SYNPR: variants seen among roughly 807,000 people sequenced by gnomAD.
SYNPR encodes synaptoporin.
In SYNPR, 23 loss-of-function variants were observed where a neutral mutation model predicts 32.9. That is an observed-to-expected ratio of 0.70 (90% CI 0.50 to 0.99). SYNPR has a LOEUF of 0.99. Among genes scored for constraint, SYNPR ranks in the 50% least tolerant of loss-of-function variants. The pLI, the probability that SYNPR is intolerant of heterozygous loss-of-function variation, is 0.00. For synonymous variants in SYNPR, 146 were observed against 135.9 expected (o/e 1.07, Z -0.52); for missense variants, 318 against 349.3 (o/e 0.91, Z 0.71).
chr3:63,254,537 A>T (rs1333513544), intron 2 of SYNPR, among the ~76,000 whole-genome samples: 1 of 152,176 alleles, frequency 6.6e-6, no homozygotes, highest in Non-Finnish European at 1.5e-5. Flanking sequence ...GTATTTAGTG[A>T]AAATTTATTG....
chr3:63,611,731 C>G (rs979494006), intron 5 of SYNPR, among the ~76,000 whole-genome samples: 1 of 152,060 alleles, frequency 6.6e-6, no homozygotes, highest in Non-Finnish European at 1.5e-5. Context: ...TCTGCAGTTT[C>G]TAAGTTTATA....
upstream of SYNPR, among the ~76,000 whole-genome samples, chr3:63,274,563 G>A (rs2086559856): frequency 6.6e-6 from 1 of 152,176 alleles, no homozygotes; most frequent in South Asian, 2.1e-4. Context: ...TTTAGCAAAT[G>A]TTGAGCTTTA....
chr3:63,258,031 T>A (rs973613045), intron 2 of SYNPR, among the ~76,000 whole-genome samples: 5 of 152,148 alleles, frequency 3.3e-5, no homozygotes, highest in African/African-American at 1.2e-4. Context: ...CTATCCTAAA[T>A]ATATATGCAC....
intron 2 of SYNPR, among the ~76,000 whole-genome samples, chr3:63,400,233 T>G (rs1403944479): frequency 6.6e-6 from 1 of 152,228 alleles, no homozygotes; most frequent in Non-Finnish European, 1.5e-5. Context: ...TATCTATTGG[T>G]GCGTGACAAA....
chr3:63,286,621 A>G (rs2086685621), intron 2 of SYNPR, among the ~76,000 whole-genome samples: 1 of 152,210 alleles, frequency 6.6e-6, no homozygotes, highest in African/African-American at 2.4e-5. Flanking sequence ...CTAGTAGAAG[A>G]AAAGTAGAAA....
intron 3 of SYNPR, among the ~76,000 whole-genome samples, chr3:63,536,214 T>C (rs1466336643): frequency 6.6e-6 from 1 of 151,956 alleles, no homozygotes; most frequent in African/African-American, 2.4e-5. Flanking sequence ...ATTATGCAAA[T>C]AATAAATCCA....
chr3:63,557,259 G>A (rs977334599), intron 4 of SYNPR, among the ~76,000 whole-genome samples: 1 of 151,856 alleles, frequency 6.6e-6, no homozygotes, highest in South Asian at 2.1e-4. Flanking sequence ...TACACCTAGG[G>A]GGACACAAAA....
intron 2 of SYNPR, among the ~76,000 whole-genome samples, chr3:63,380,423 C>T (rs1295776096): frequency 2.0e-4 from 31 of 152,114 alleles, no homozygotes; most frequent in African/African-American, 7.0e-4. Context: ...TTGATTTGCA[C>T]TTCTCTGATG....
chr3:63,519,698 A>G (rs2106769663), intron 3 of SYNPR, among the ~76,000 whole-genome samples: 1 of 152,332 alleles, frequency 6.6e-6, no homozygotes, highest in South Asian at 2.1e-4. Flanking sequence ...CAAGGGCAGT[A>G]TTTTACATCT....
At chr3:63,314,341 A>G (rs1248974378) in intron 2 of SYNPR, among the ~76,000 whole-genome samples, 1 of 151,632 alleles carries the variant, frequency 6.6e-6, no homozygotes, top group East Asian at 2.0e-4. Flanking sequence ...ACAGCAGTGT[A>G]GAAGTGTTCC....
intron 2 of SYNPR, chr3:63,351,318 T>C (rs1220645567): frequency 6.6e-6 from 1 of 152,194 alleles, no homozygotes; most frequent in Non-Finnish European, 1.5e-5. Context: ...TTAATGTGTT[T>C]GACAGTTTGA....
chr3:63,432,655 A>G (rs1055040680), intron 2 of SYNPR, among the ~76,000 whole-genome samples: 2 of 152,166 alleles, frequency 1.3e-5, no homozygotes, highest in Non-Finnish European at 2.9e-5. Flanking sequence ...GCAGACCCAG[A>G]TAAGAAAGAG....
chr3:63,402,711 T>C (rs1294642089), intron 2 of SYNPR, among the ~76,000 whole-genome samples: 1 of 152,226 alleles, frequency 6.6e-6, no homozygotes, highest in Non-Finnish European at 1.5e-5. Flanking sequence ...AACCTTTGCT[T>C]TAGCTGTTCC....
chr3:63,206,779 T>C, the SYNPR span, among the ~76,000 whole-genome samples: 3 of 152,296 alleles, frequency 2.0e-5, no homozygotes, highest in Admixed American at 6.5e-5. Flanking sequence ...ACATGGGCCA[T>C]TGATCCTAGC....
In SYNPR at chr3:63,616,003, T is replaced by A. The variant is rs973145742; in HGVS notation, c.*522T>A. 2.0e-5 allele frequency: 3 copies of A among 152,304 alleles called. No individual in the cohort carries two copies. The highest frequency in any genetic ancestry group is 2.9e-5 in the Non-Finnish European group (2 of 68,126). The allele number at this position is 152,304 out of a possible 1,614,324, so 9.4% of individuals were successfully genotyped here. ...TTTTTTATGTGATAAATCATATGAT[T>A]TAAGTGCATGAATAAGCATTTTCCC... On this transcript the variant is annotated 3_prime_UTR_variant, in exon 6 of 6. Coordinates refer to ENST00000478300, the MANE Select transcript of SYNPR (RefSeq NM_001130003.2).
chr3:63,512,415 C>A (rs1701714307), intron 3 of SYNPR, among the ~76,000 whole-genome samples: 1 of 152,138 alleles, frequency 6.6e-6, no homozygotes, highest in African/African-American at 2.4e-5. Context: ...AAATATGTTA[C>A]CTGACATGGC....
chr3:63,397,689 A>G (rs1575623917), intron 2 of SYNPR, among the ~76,000 whole-genome samples: 2 of 152,178 alleles, frequency 1.3e-5, no homozygotes, highest in African/African-American at 4.8e-5. Context: ...CATTAGGCAG[A>G]TTCAGTTTCA....
Position 63,429,134 on chromosome 3 carries a change from G to C in SYNPR, c.85-51698G>C, listed in dbSNP as rs1175925373. Among the ~76,000 whole-genome samples, 3 of 152,130 alleles carry C rather than the reference G, an allele frequency of 2.0e-5. No individual in the cohort carries two copies. The East Asian group carries it at 5.8e-4, about 29-fold the overall frequency. The stretch of plus-strand genomic sequence containing the variant: ...CTTTGTATGTTTGTTATTTCATATA[G>C]GTGGTTATAATCCTGCCGGTGTAAC... On this transcript the variant is annotated intron_variant, in intron 2 of 5. Transcript: ENST00000478300.
At chr3:63,465,499 A>G (rs750482168) in intron 2 of SYNPR, among the ~76,000 whole-genome samples, 9 of 152,052 alleles carry the variant, frequency 5.9e-5, no homozygotes, top group Non-Finnish European at 1.0e-4. Context: ...ATATTCACTT[A>G]TAGATTGCTT....
Sources: gnomAD v4.1 joint callset for allele counts (sites outside exome capture counted in the v4.1 genomes callset) on GRCh38, gnomAD v4.1.1 for gene constraint, MANE v1.5 for transcripts, NCBI Gene and HGNC (gene_info 2026-07-23, HGNC 2026-07-21) for gene names.